PCDH9: variants seen among roughly 807,000 people sequenced by gnomAD.
The protein encoded by PCDH9 is protocadherin 9, also known as protocadherin-9.
In PCDH9, 24 loss-of-function variants were observed where a neutral mutation model predicts 70.6. That is an observed-to-expected ratio of 0.34 (90% CI 0.25 to 0.48). PCDH9 has a LOEUF of 0.48. PCDH9 is among the 20% of genes least tolerant of loss of function. The pLI is 0.99. For missense variants in PCDH9, 1,281 were observed against 1,503.6 expected (o/e 0.85, Z 2.45); for synonymous variants, 562 against 558.5 (o/e 1.01, Z -0.09).
intron 4 of PCDH9, among the ~76,000 whole-genome samples, chr13:66,549,743 GGT>G (rs941186815): frequency 1.4e-4 from 21 of 152,040 alleles, no homozygotes; most frequent in African/African-American, 4.6e-4. Flanking sequence ...ATTAAGGCTG[GGT>G]GTGTTGCCTC....
intron 3 of PCDH9, among the ~76,000 whole-genome samples, chr13:66,654,731 ACT>A (rs1206786531): frequency 6.6e-6 from 1 of 151,992 alleles, no homozygotes; most frequent in Non-Finnish European, 1.5e-5. Context: ...TTGGTGACAG[ACT>A]CTCTCACTGT....
chr13:67,045,568 A>G (rs912197367), intron 2 of PCDH9, among the ~76,000 whole-genome samples: 9 of 152,070 alleles, frequency 5.9e-5, no homozygotes, highest in Non-Finnish European at 1.0e-4. Flanking sequence ...ACAAACAAAA[A>G]AAAAACAGAA....
At chr13:67,225,039 G>A in intron 2 of PCDH9, 4 of 1,066,588 alleles carry the variant, frequency 3.8e-6, no homozygotes, top group African/African-American at 1.7e-5. Context: ...TAGATCAAAA[G>A]GTAAGGTGAA....
chr13:66,903,207 G>C (rs2082305522), intron 3 of PCDH9, among the ~76,000 whole-genome samples: 1 of 151,642 alleles, frequency 6.6e-6, no homozygotes, highest in Admixed American at 6.6e-5. Flanking sequence ...AGCTTTAAAA[G>C]AAAGTTGCTT....
intron 4 of PCDH9, among the ~76,000 whole-genome samples, chr13:66,440,350 C>T (rs529160675): frequency 6.6e-6 from 1 of 152,044 alleles, no homozygotes; most frequent in Non-Finnish European, 1.5e-5. Context: ...TGAGCCATTG[C>T]AAAGAGAAAT....
intron 3 of PCDH9, among the ~76,000 whole-genome samples, chr13:66,780,242 A>T (rs950387497): frequency 3.3e-5 from 5 of 152,186 alleles, no homozygotes; most frequent in Non-Finnish European, 7.3e-5. Flanking sequence ...AACTTATTAC[A>T]GAGTAAAAGG....
At chr13:67,003,367 A>C (rs57847182) in intron 2 of PCDH9, among the ~76,000 whole-genome samples, 23,989 of 152,004 alleles carry the variant, frequency 0.16, 1,976 homozygotes, top group Admixed American at 0.21. Context: ...TGACAACTTT[A>C]AGTAATGGTA....
chr13:66,854,246 TTTC>T (rs1451441446), intron 3 of PCDH9, among the ~76,000 whole-genome samples: 1 of 152,182 alleles, frequency 6.6e-6, no homozygotes, highest in South Asian at 2.1e-4. Flanking sequence ...AGCCTTTACT[TTTC>T]TTTGTCTGTA....
chr13:66,785,779 G>C (rs1050382743), intron 3 of PCDH9, among the ~76,000 whole-genome samples: 3 of 151,490 alleles, frequency 2.0e-5, no homozygotes, highest in Admixed American at 1.3e-4. Context: ...AGTAGGGCAT[G>C]TATGGATCAC....
chr13:66,566,268 C>T (rs1046276977), intron 4 of PCDH9, among the ~76,000 whole-genome samples: 3 of 152,126 alleles, frequency 2.0e-5, no homozygotes, highest in African/African-American at 4.8e-5. Flanking sequence ...TAATGTGTTT[C>T]ACTTTGTATC....
intron 4 of PCDH9, among the ~76,000 whole-genome samples, chr13:66,492,863 C>T (rs1408343808): frequency 6.6e-6 from 1 of 152,104 alleles, no homozygotes; most frequent in African/African-American, 2.4e-5. Flanking sequence ...ATTAATACAA[C>T]AAATTAGATA....
chr13:67,201,812 A>G, intron 2 of PCDH9: 1 of 152,018 alleles, frequency 6.6e-6, no homozygotes. Flanking sequence ...AAGTATCTCA[A>G]GAATTCATTT....
intron 2 of PCDH9, among the ~76,000 whole-genome samples, chr13:67,180,247 AAAG>A (rs1037418736): frequency 6.6e-6 from 1 of 152,222 alleles, no homozygotes; most frequent in African/African-American, 2.4e-5. Flanking sequence ...ATGGAAAATG[AAAG>A]AATAGACTGG....
chr13:66,738,367 G>C (rs1287534811), intron 3 of PCDH9, among the ~76,000 whole-genome samples: 1 of 151,794 alleles, frequency 6.6e-6, no homozygotes, highest in Non-Finnish European at 1.5e-5. Context: ...AAGACCAAAA[G>C]TAGATAAAAC....
intron 4 of PCDH9, among the ~76,000 whole-genome samples, chr13:66,382,994 C>T (rs920175692): frequency 2.0e-5 from 3 of 151,556 alleles, no homozygotes; most frequent in Non-Finnish European, 4.4e-5. Flanking sequence ...TGCCATTTCA[C>T]TCCAGCCTGA....
intron 2 of PCDH9, among the ~76,000 whole-genome samples, chr13:67,062,884 G>A (rs2138131550): frequency 6.6e-6 from 1 of 152,204 alleles, no homozygotes; most frequent in Non-Finnish European, 1.5e-5. Flanking sequence ...GGGAAGAGAA[G>A]CAATCCAGAA....
intron 2 of PCDH9, among the ~76,000 whole-genome samples, chr13:67,183,788 G>A (rs2088678283): frequency 6.6e-6 from 1 of 152,096 alleles, no homozygotes; most frequent in Non-Finnish European, 1.5e-5. Context: ...GTTTACGACT[G>A]AGGTTGCAAT....
At chr13:67,033,900 G>A (rs1393668178) in intron 2 of PCDH9, among the ~76,000 whole-genome samples, 3 of 152,198 alleles carry the variant, frequency 2.0e-5, no homozygotes, top group Non-Finnish European at 4.4e-5. Context: ...AGACAGTGAG[G>A]ATGAGGAAGA....
At chr13:67,206,374 CAG>C (rs1409280551) in intron 2 of PCDH9, 1 of 152,076 alleles carries the variant, frequency 6.6e-6, no homozygotes, top group African/African-American at 2.4e-5. Flanking sequence ...CCATATTGGC[CAG>C]GCTGGTCTCG....
Sources: allele counts gnomAD v4.1 joint callset (sites outside exome capture counted in the v4.1 genomes callset), GRCh38; gene constraint gnomAD v4.1.1; transcripts MANE v1.5; gene names NCBI Gene and HGNC (gene_info 2026-07-23, HGNC 2026-07-21).